DOC2B: variants seen among roughly 807,000 people sequenced by gnomAD.
DOC2B encodes the protein double C2-like domain-containing protein beta.
Under a neutral mutation model 28.9 loss-of-function variants are expected in DOC2B, and 21 were observed. That is an observed-to-expected ratio of 0.73 (90% CI 0.52 to 1.05). DOC2B has a LOEUF of 1.05. DOC2B is among the 50% of genes least tolerant of loss of function. DOC2B has a pLI of 0.00. For missense variants in DOC2B, 384 were observed against 421.1 expected (o/e 0.91, Z 0.77); for synonymous variants, 194 against 178.1 (o/e 1.09, Z -0.71).
At chr17:164,104 G>C in intron 3 of DOC2B, 26 bp downstream of exon 3, 3 of 1,530,302 alleles carry the variant, frequency 2.0e-6, no homozygotes, top group Non-Finnish European at 2.7e-6. Context: ...TGCAGCTGGT[G>C]GGCAGGCCTG....
At chr17:175,130 C>T (rs1026184776) in intron 1 of DOC2B, among the ~76,000 whole-genome samples, 7 of 152,102 alleles carry the variant, frequency 4.6e-5, no homozygotes, top group African/African-American at 7.2e-5. Flanking sequence ...CCCAGCTACT[C>T]GGGAGGCTGA....
intron 1 of DOC2B, among the ~76,000 whole-genome samples, chr17:173,964 C>T (rs1266086580): frequency 6.6e-6 from 1 of 152,148 alleles, no homozygotes; most frequent in Non-Finnish European, 1.5e-5. Flanking sequence ...AGAAGCAGAC[C>T]CTACGGCCTG....
chr17:162,724 G>A (rs950110229), intron 3 of DOC2B, among the ~76,000 whole-genome samples: 5 of 152,248 alleles, frequency 3.3e-5, no homozygotes. Context: ...GCAGCCGTAG[G>A]AGGCTCATCC....
chr17:164,276 T>C, intron 2 of DOC2B, 72 bp from the exon 3 acceptor site: 5 of 1,232,328 alleles, frequency 4.1e-6, no homozygotes, highest in Non-Finnish European at 5.8e-6. Context: ...GCAGATGCCC[T>C]TGTCCCCTGG....
intron 8 of DOC2B, 90 bp downstream of exon 8, chr17:148,083 C>T (rs1182831216): frequency 5.0e-6 from 2 of 397,832 alleles, no homozygotes; most frequent in Non-Finnish European, 8.9e-6. Context: ...GTCCGTGGCT[C>T]CAGCTTTCCC....
chr17:152,248 G>T lies in DOC2B; in HGVS notation c.924-3056C>A, dbSNP rs35054424. ...TGCTGCCAGTTACTGCCATTTTCAC[G>T]GGCATGAAATGGAGATAACAACAGG... On this transcript the variant is annotated intron_variant, in intron 6 of 8. Coordinates refer to ENST00000613549, the MANE Select transcript of DOC2B (RefSeq NM_003585.5). Among the ~76,000 whole-genome samples the T allele has an allele frequency of 9.8e-3, 1,494 of 152,194 alleles. 24 individuals carry two copies. The highest frequency in any genetic ancestry group is 0.034 in the African/African-American group (1,421 of 41,516).
At chr17:173,339 G>A (rs980191740) in intron 1 of DOC2B, among the ~76,000 whole-genome samples, 1 of 152,184 alleles carries the variant, frequency 6.6e-6, no homozygotes, top group Non-Finnish European at 1.5e-5. Flanking sequence ...CAGCATGGAG[G>A]CCAAGGTGAT....
At chr17:155,924 G>T in intron 6 of DOC2B, 2 of 390,146 alleles carry the variant, frequency 5.1e-6, no homozygotes, top group Non-Finnish European at 9.1e-6. Flanking sequence ...GCAACTCATG[G>T]CCCCTCCTGG....
chr17:179,823 C>T (rs112833600), intron 1 of DOC2B, among the ~76,000 whole-genome samples: 2,860 of 152,390 alleles, frequency 0.019, 43 homozygotes, highest in Non-Finnish European at 0.031. Context: ...GCCCGAGGGC[C>T]GTGGTCCAGG....
rs999219483 is a variant in DOC2B at position 176,597 on chromosome 17, G to C, written c.374-3981C>G. On this transcript the variant is annotated intron_variant, in intron 1 of 8. Transcript: ENST00000613549. ...GATGCAACTAAGAAACAAAAAGAGA[G>C]AAAAGCAGAGTTGCTCTAGGGGAAG... Among the ~76,000 whole-genome samples the C allele has an allele frequency of 2.6e-5, 4 of 152,180 alleles. No individual in the cohort carries two copies. In the East Asian group the frequency reaches 7.7e-4, roughly 29 times the overall value.
chr17:162,208 G>T lies in DOC2B; in HGVS notation c.529-18C>A. ...TTATTTGCCTGGAGAAGAGAAAAAT[G>T]ATCTTATTAGCATCAAAGTGTGTAT... On this transcript the variant is annotated intron_variant, in intron 3 of 8. Transcript: ENST00000613549. 1 of 1,519,972 alleles carries T rather than the reference G, an allele frequency of 6.6e-7. No homozygotes were observed. Among genetic ancestry groups the T allele is most frequent in the Non-Finnish European group, 8.9e-7 (1 of 1,118,304 alleles). The allele number at this position is 1,519,972 out of a possible 1,614,324, so 94.2% of individuals were successfully genotyped here. A position where few individuals can be genotyped will look rare whatever the true frequency, so the allele number is the denominator to read the frequency against.
intron 2 of DOC2B, among the ~76,000 whole-genome samples, chr17:166,511 T>C (rs1047185242): frequency 9.2e-5 from 14 of 152,256 alleles, no homozygotes; most frequent in Non-Finnish European, 1.8e-4. Context: ...CACCCAAGTC[T>C]CATCTGGAGT....
intron 2 of DOC2B, 29 bp from the exon 3 acceptor site, chr17:164,233 C>A (rs778008441): frequency 2.0e-6 from 3 of 1,512,958 alleles, no homozygotes; most frequent in African/African-American, 2.8e-5. Flanking sequence ...ACGGTGTGAA[C>A]TGGAAATCGG....
At chr17:174,959 G>A (rs2040352713) in intron 1 of DOC2B, among the ~76,000 whole-genome samples, 1 of 152,176 alleles carries the variant, frequency 6.6e-6, no homozygotes, top group African/African-American at 2.4e-5. Flanking sequence ...TACAAAAATG[G>A]CCGGGTGTGG....
intron 5 of DOC2B, among the ~76,000 whole-genome samples, chr17:159,851 T>C (rs1555523016): frequency 6.7e-6 from 1 of 148,288 alleles, no homozygotes; most frequent in African/African-American, 2.4e-5. Flanking sequence ...TACTGACATA[T>C]GCTCTTACAC....
chr17:168,888 C>T (rs914182492), intron 2 of DOC2B, among the ~76,000 whole-genome samples: 2 of 152,240 alleles, frequency 1.3e-5, no homozygotes, highest in African/African-American at 4.8e-5. Context: ...CAATAAACCT[C>T]TTTCCTTTAT....
intron 5 of DOC2B, among the ~76,000 whole-genome samples, chr17:157,400 T>A (rs1415156862): frequency 6.6e-6 from 1 of 152,184 alleles, no homozygotes; most frequent in Non-Finnish European, 1.5e-5. Flanking sequence ...CATGGCCTGG[T>A]GTGGCCCCCT....
At chr17:177,732 A>G (rs1382838662) in intron 1 of DOC2B, among the ~76,000 whole-genome samples, 1 of 152,254 alleles carries the variant, frequency 6.6e-6, no homozygotes, top group Admixed American at 6.5e-5. Context: ...GTGCCGTAAC[A>G]TCGAGTGCAT....
intron 3 of DOC2B, 48 bp from the exon 4 acceptor site, chr17:162,238 C>A (rs1555523354): frequency 7.1e-7 from 1 of 1,398,618 alleles, no homozygotes; most frequent in South Asian, 1.2e-5. Context: ...GTGTATCAAA[C>A]AGAACAATGG....
Sources: gnomAD v4.1 joint callset for allele counts (sites outside exome capture counted in the v4.1 genomes callset) on GRCh38, gnomAD v4.1.1 for gene constraint, MANE v1.5 for transcripts, NCBI Gene and HGNC (gene_info 2026-07-23, HGNC 2026-07-21) for gene names.